Variants in WWOX observed in about 807,000 individuals in gnomAD.
WWOX encodes the protein WW domain-containing oxidoreductase.
Under a neutral mutation model 46.2 loss-of-function variants are expected in WWOX, and 69 were observed. The ratio of observed to expected loss-of-function variants is 1.49; its 90% CI spans 1.23 to 1.82. WWOX has a LOEUF of 1.82. Among genes scored for constraint, WWOX ranks in the 40% most tolerant of loss-of-function variants. The pLI, the probability that WWOX is intolerant of heterozygous loss-of-function variation, is 0.00. For synonymous variants in WWOX, 359 were observed against 202.6 expected (o/e 1.77, Z -6.56); for missense variants, 919 against 542.6 (o/e 1.69, Z -6.89).
chr16:78,956,302 T>C (rs1250283503), intron 8 of WWOX, among the ~76,000 whole-genome samples: 2 of 152,126 alleles, frequency 1.3e-5, no homozygotes, highest in Non-Finnish European at 2.9e-5. Flanking sequence ...CATGCCACCA[T>C]ACCCAGCTCA....
chr16:78,232,297 A>G (rs1271956044), intron 5 of WWOX, among the ~76,000 whole-genome samples: 1 of 152,224 alleles, frequency 6.6e-6, no homozygotes, highest in Non-Finnish European at 1.5e-5. Context: ...AGCAGTAAGG[A>G]TGGAAGTCTA....
At chr16:78,229,169 C>A (rs1285400469) in intron 5 of WWOX, among the ~76,000 whole-genome samples, 1 of 151,686 alleles carries the variant, frequency 6.6e-6, no homozygotes. Context: ...AGTGAATTTT[C>A]CATTGCAAAG....
chr16:78,759,878 G>C (rs2049748325), intron 8 of WWOX, among the ~76,000 whole-genome samples: 1 of 152,148 alleles, frequency 6.6e-6, no homozygotes, highest in Non-Finnish European at 1.5e-5. Context: ...CCAGTCTCTA[G>C]AGGCTGCTGG....
chr16:78,851,664 G>T (rs911353377), intron 8 of WWOX, among the ~76,000 whole-genome samples: 2 of 152,176 alleles, frequency 1.3e-5, no homozygotes, highest in Admixed American at 1.3e-4. Context: ...AATCTTGGCT[G>T]AGGCAATACG....
chr16:78,309,217 G>A (rs112337410), intron 5 of WWOX, among the ~76,000 whole-genome samples: 6 of 152,212 alleles, frequency 3.9e-5, no homozygotes, highest in African/African-American at 1.2e-4. Flanking sequence ...ATATACTCCC[G>A]ATAGTGAGTT....
chr16:78,454,948 C>A (rs573231612), intron 8 of WWOX, among the ~76,000 whole-genome samples: 158 of 152,330 alleles, frequency 1.0e-3, no homozygotes, highest in Non-Finnish European at 1.7e-3. Context: ...GATGTGCTCC[C>A]CTCTGATAAA....
chr16:78,242,396 C>A (rs1334461970), intron 5 of WWOX, among the ~76,000 whole-genome samples: 3 of 152,218 alleles, frequency 2.0e-5, no homozygotes, highest in Admixed American at 6.5e-5. Context: ...ATTAACACAA[C>A]TTCTCCGTGT....
At chr16:78,677,348 A>G (rs568570903) in intron 8 of WWOX, among the ~76,000 whole-genome samples, 6 of 152,348 alleles carry the variant, frequency 3.9e-5, no homozygotes, top group African/African-American at 9.6e-5. Context: ...TTGAGATTAC[A>G]TACATCCTGA....
intron 8 of WWOX, among the ~76,000 whole-genome samples, chr16:78,999,767 A>G (rs557736095): frequency 5.1e-4 from 78 of 152,340 alleles, no homozygotes; most frequent in African/African-American, 1.6e-3. Flanking sequence ...TGCCATGTTC[A>G]CTATTCAGAT....
At chr16:78,134,158 T>C (rs2033707885) in intron 4 of WWOX, among the ~76,000 whole-genome samples, 1 of 152,230 alleles carries the variant, frequency 6.6e-6, no homozygotes, top group African/African-American at 2.4e-5. Context: ...TGCTCAAATA[T>C]TAGCATTGGA....
At chr16:79,030,973 T>A (rs376479840) in intron 8 of WWOX, among the ~76,000 whole-genome samples, 36 of 151,262 alleles carry the variant, frequency 2.4e-4, no homozygotes, top group African/African-American at 8.3e-4. Flanking sequence ...ATGCCTGTAG[T>A]CCCACCCACT....
At chr16:78,848,821 A>G (rs1388496291) in intron 8 of WWOX, among the ~76,000 whole-genome samples, 1 of 151,268 alleles carries the variant, frequency 6.6e-6, no homozygotes, top group African/African-American at 2.4e-5. Flanking sequence ...ACCTCCTCTG[A>G]GATTTTTTTT....
At chr16:79,188,243 A>T (rs1230823622) in intron 8 of WWOX, among the ~76,000 whole-genome samples, 2 of 152,146 alleles carry the variant, frequency 1.3e-5, no homozygotes, top group African/African-American at 4.8e-5. Flanking sequence ...ATGGAAACAC[A>T]CACTTTTGCC....
At chr16:79,060,790 G>A (rs2048344804) in intron 8 of WWOX, among the ~76,000 whole-genome samples, 1 of 152,206 alleles carries the variant, frequency 6.6e-6, no homozygotes, top group African/African-American at 2.4e-5. Context: ...CCTTGCAGGT[G>A]CCTTTGGAGA....
chr16:78,376,475 C>T (rs987231588), intron 5 of WWOX, among the ~76,000 whole-genome samples: 1 of 152,156 alleles, frequency 6.6e-6, no homozygotes, highest in African/African-American at 2.4e-5. Flanking sequence ...ATGTTATCAA[C>T]TTCTGTATTA....
intron 8 of WWOX, among the ~76,000 whole-genome samples, chr16:78,740,913 A>G (rs1459758410): frequency 1.3e-5 from 2 of 152,162 alleles, no homozygotes; most frequent in Non-Finnish European, 2.9e-5. Flanking sequence ...ACCCTCACAG[A>G]AAAAATAAGA....
chr16:78,942,591 C>G (rs1192663270), intron 8 of WWOX, among the ~76,000 whole-genome samples: 1 of 142,120 alleles, frequency 7.0e-6, no homozygotes, highest in Non-Finnish European at 1.5e-5. Context: ...TCAAGGAGAG[C>G]GTTACATTTT....
intron 6 of WWOX, among the ~76,000 whole-genome samples, chr16:78,413,581 A>G (rs527839576): frequency 4.6e-5 from 7 of 151,990 alleles, no homozygotes; most frequent in Non-Finnish European, 7.4e-5. Flanking sequence ...ACAATGGGGG[A>G]ATGTCATCAG....
intron 8 of WWOX, among the ~76,000 whole-genome samples, chr16:79,207,150 C>G (rs1287134864): frequency 6.6e-6 from 1 of 152,164 alleles, no homozygotes; most frequent in South Asian, 2.1e-4. Context: ...GGCTCACCCC[C>G]TCATCTCCAC....
Sources: gnomAD v4.1 joint callset for allele counts (sites outside exome capture counted in the v4.1 genomes callset) on GRCh38, gnomAD v4.1.1 for gene constraint, MANE v1.5 for transcripts, NCBI Gene and HGNC (gene_info 2026-07-23, HGNC 2026-07-21) for gene names.